The following HPSE2 variants were observed in gnomAD, a reference collection of about 807,000 sequenced individuals.
HPSE2 encodes inactive heparanase-2.
In HPSE2, 38 loss-of-function variants were observed where a neutral mutation model predicts 60.5. The ratio of observed to expected loss-of-function variants is 0.63; its 90% CI spans 0.48 to 0.82. The LOEUF is 0.82. Among genes scored for constraint, HPSE2 ranks in the 40% least tolerant of loss-of-function variants. The pLI, the probability that HPSE2 is intolerant of heterozygous loss-of-function variation, is 0.00. For synonymous variants in HPSE2, 295 were observed against 293.2 expected, an observed-to-expected ratio of 1.01 and a Z score of -0.06; for missense variants, 713 against 740.4, an observed-to-expected ratio of 0.96 and a Z score of 0.43.
intron 9 of HPSE2, among the ~76,000 whole-genome samples, chr10:98,575,607 T>C (rs1018805614): frequency 1.3e-5 from 2 of 152,226 alleles, no homozygotes; most frequent in Admixed American, 1.3e-4. Flanking sequence ...ATAATGTAGA[T>C]GCTATCATGA....
intron 11 of HPSE2, among the ~76,000 whole-genome samples, chr10:98,467,566 G>C (rs758011524): frequency 3.3e-5 from 5 of 152,104 alleles, no homozygotes; most frequent in Admixed American, 2.6e-4. Context: ...ATGGGCCTGC[G>C]CTTGAGTTAT....
At chr10:98,748,690 A>T (rs1949684065) in intron 3 of HPSE2, among the ~76,000 whole-genome samples, 2 of 152,168 alleles carry the variant, frequency 1.3e-5, no homozygotes, top group Non-Finnish European at 2.9e-5. Flanking sequence ...CAAAATGTAG[A>T]AAGATGGCTG....
intron 4 of HPSE2, among the ~76,000 whole-genome samples, chr10:98,727,630 T>A (rs187483172): frequency 2.2e-4 from 34 of 151,694 alleles, no homozygotes; most frequent in African/African-American, 7.3e-4. Flanking sequence ...CACTCCAGCC[T>A]AGGTGACAGA....
At chr10:98,483,681 T>C (rs1237380505) in intron 10 of HPSE2, among the ~76,000 whole-genome samples, 1 of 152,198 alleles carries the variant, frequency 6.6e-6, no homozygotes, top group Non-Finnish European at 1.5e-5. Flanking sequence ...GCAGAAGCTT[T>C]AGGACTCAGC....
At chr10:98,946,388 G>A (rs991121118) in intron 3 of HPSE2, among the ~76,000 whole-genome samples, 1 of 149,950 alleles carries the variant, frequency 6.7e-6, no homozygotes, top group Non-Finnish European at 1.5e-5. Context: ...CAGGAGCATC[G>A]TTTCAGCCCA....
At chr10:99,151,437 G>C (rs1255360068) in intron 2 of HPSE2, among the ~76,000 whole-genome samples, 1 of 152,084 alleles carries the variant, frequency 6.6e-6, no homozygotes, top group Non-Finnish European at 1.5e-5. Context: ...TTGAAGACAT[G>C]ATGACCAAAA....
At chr10:98,558,941 C>T (rs1226752589) in intron 9 of HPSE2, among the ~76,000 whole-genome samples, 2 of 152,160 alleles carry the variant, frequency 1.3e-5, no homozygotes, top group African/African-American at 2.4e-5. Context: ...ATACACCATT[C>T]GCTACCCACT....
Position 98,580,836 on chromosome 10 carries a change from A to ATATGTGTGTG in HPSE2, c.1320+34067_1320+34068insCACACACATA. On this transcript the variant is annotated intron_variant, in intron 9 of 11. Coordinates refer to ENST00000370552, the MANE Select transcript of HPSE2 (RefSeq NM_021828.5). Reference sequence around the variant, plus strand: ...GTTGTGCTTGGTTTTATATATATATATGTGTGTGTGTGTGTGTGTGTGTGT... The same window carrying ATATGTGTGTG: ...GTTGTGCTTGGTTTTATATATATATATATGTGTGTGTGTGTGTGTGTGTGTGTGTGTGTGT... 9.9e-4 allele frequency among the ~76,000 whole-genome samples: 118 copies of ATATGTGTGTG among 119,558 alleles called. 2 individuals are homozygous for ATATGTGTGTG. The highest frequency in any genetic ancestry group is 4.0e-3 in the African/African-American group (113 of 27,940). 78.4% of individuals were successfully genotyped at this position (119,558 alleles called of 152,430 possible).
At chr10:99,294,713 C>G in the HPSE2 span, among the ~76,000 whole-genome samples, 1 of 151,888 alleles carries the variant, frequency 6.6e-6, no homozygotes, top group Admixed American at 6.6e-5. Context: ...GCCGGTAGAT[C>G]ATCTGAGGTC....
At position 98,741,886 on chromosome 10, in the gene HPSE2, C is replaced by T. The variant is rs1439710370; in HGVS notation, c.784+1997G>A. On this transcript the variant is annotated intron_variant, in intron 4 of 11. Transcript: ENST00000370552. ...TGCCCTGTTTGAAGAATATTTTGCC[C>T]TGTTTGGAGAATAAAGCTAAGTTGG... Among the ~76,000 whole-genome samples, 3 of 151,988 alleles carry T rather than the reference C, an allele frequency of 2.0e-5. No individual in the cohort carries two copies. In the East Asian group the frequency reaches 5.8e-4, roughly 29 times the overall value.
chr10:99,127,962 C>T (rs1845226634), intron 3 of HPSE2, among the ~76,000 whole-genome samples: 1 of 152,114 alleles, frequency 6.6e-6, no homozygotes, highest in Middle Eastern at 3.2e-3. Flanking sequence ...CACTACCAAG[C>T]CAGCACTACA....
intron 3 of HPSE2, among the ~76,000 whole-genome samples, chr10:99,078,793 T>C (rs1407755644): frequency 3.9e-5 from 6 of 152,200 alleles, no homozygotes; most frequent in Non-Finnish European, 7.3e-5. Context: ...AGAGAACAGT[T>C]ACCTTTCACA....
At chr10:98,720,872 A>T (rs1342657605) in intron 5 of HPSE2, among the ~76,000 whole-genome samples, 17 of 152,208 alleles carry the variant, frequency 1.1e-4, no homozygotes, top group Admixed American at 1.0e-3. Flanking sequence ...ACTCAAAATG[A>T]TGCATATACA....
rs1485546227 is a variant in HPSE2 at position 98,967,839 on chromosome 10, T to C, written c.610+176399A>G. On this transcript the variant is annotated intron_variant, in intron 3 of 11. Transcript: ENST00000370552. ...GAGCCCAGAAACAACCCAATTATGG[T>C]GGGTAACCTTTCAAATTGACCAGAG... is the stretch of plus-strand genomic sequence containing the variant. Among the ~76,000 whole-genome samples, 13 of 151,628 alleles carry C rather than the reference T, an allele frequency of 8.6e-5. No homozygotes were observed. The Admixed American group carries it at 8.6e-4, about 10-fold the overall frequency.
At chr10:99,268,072 A>C in the HPSE2 span, among the ~76,000 whole-genome samples, 1 of 152,208 alleles carries the variant, frequency 6.6e-6, no homozygotes, top group Admixed American at 6.5e-5. Context: ...GTAACCTATA[A>C]AGGAAAATCT....
At chr10:99,191,809 G>A (rs1385987144) in intron 2 of HPSE2, among the ~76,000 whole-genome samples, 1 of 152,146 alleles carries the variant, frequency 6.6e-6, no homozygotes, top group Non-Finnish European at 1.5e-5. Flanking sequence ...ATCCTGGAGA[G>A]GCAGAGAAAT....
intron 6 of HPSE2, among the ~76,000 whole-genome samples, chr10:98,651,585 A>G (rs1239377670): frequency 1.3e-5 from 2 of 151,978 alleles, no homozygotes; most frequent in Admixed American, 6.6e-5. Flanking sequence ...TTTCCCTCCA[A>G]TCTCCTACAA....
chr10:99,052,943 A>G (rs1958022818), intron 3 of HPSE2, among the ~76,000 whole-genome samples: 1 of 152,102 alleles, frequency 6.6e-6, no homozygotes, highest in Admixed American at 6.5e-5. Context: ...TACCAGATGG[A>G]AATTCAAACA....
intron 3 of HPSE2, among the ~76,000 whole-genome samples, chr10:98,896,566 A>G (rs372514620): frequency 2.1e-4 from 32 of 152,308 alleles, no homozygotes; most frequent in African/African-American, 7.5e-4. Context: ...AATCAATAAC[A>G]TGGTTTCACA....
Sources: gnomAD v4.1 joint callset for allele counts (sites outside exome capture counted in the v4.1 genomes callset) on GRCh38, gnomAD v4.1.1 for gene constraint, MANE v1.5 for transcripts, NCBI Gene and HGNC (gene_info 2026-07-23, HGNC 2026-07-21) for gene names.